Variants in CSMD1 observed in about 807,000 individuals in gnomAD.
CSMD1 encodes the protein CUB and sushi domain-containing protein 1.
A neutral mutation model predicts 417.5 loss-of-function variants in CSMD1; 213 were observed. That is an observed-to-expected ratio of 0.51 (90% CI 0.46 to 0.57). The LOEUF is 0.57. Among genes scored for constraint, CSMD1 ranks in the 20% least tolerant of loss-of-function variants. The pLI, the probability that CSMD1 is intolerant of heterozygous loss-of-function variation, is 0.00. For missense variants in CSMD1, 6,923 were observed against 4,529.7 expected (o/e 1.53, Z -15.17); for synonymous variants, 2,862 against 1,736.8 (o/e 1.65, Z -16.11).
intron 2 of CSMD1, among the ~76,000 whole-genome samples, chr8:4,569,187 C>T (rs528082378): frequency 6.6e-6 from 1 of 152,120 alleles, no homozygotes; most frequent in African/African-American, 2.4e-5. Context: ...GTTGCCATTT[C>T]TTTTGGTGTT....
intron 1 of CSMD1, among the ~76,000 whole-genome samples, chr8:4,944,618 T>C (rs1465625165): frequency 9.2e-5 from 14 of 152,190 alleles, no homozygotes; most frequent in Admixed American, 9.2e-4. Flanking sequence ...CAAAAATGTA[T>C]GCGGACTGGC....
At chr8:4,486,098 T>C (rs1288150101) in intron 2 of CSMD1, among the ~76,000 whole-genome samples, 3 of 147,456 alleles carry the variant, frequency 2.0e-5, no homozygotes. Context: ...TCATCATACA[T>C]ATATATGTAT....
chr8:3,078,537 T>C (rs754156936), intron 49 of CSMD1, among the ~76,000 whole-genome samples: 5 of 152,194 alleles, frequency 3.3e-5, no homozygotes, highest in African/African-American at 7.2e-5. Flanking sequence ...ATTAATTTGA[T>C]CCTGGGTTGG....
chr8:4,909,572 G>C (rs946761364), intron 1 of CSMD1, among the ~76,000 whole-genome samples: 1 of 152,110 alleles, frequency 6.6e-6, no homozygotes, highest in African/African-American at 2.4e-5. Context: ...TGACCTGCCA[G>C]AGGTAAGAAG....
At chr8:3,044,577 A>G (rs972828527) in intron 50 of CSMD1, among the ~76,000 whole-genome samples, 8 of 152,212 alleles carry the variant, frequency 5.3e-5, no homozygotes, top group Non-Finnish European at 7.4e-5. Context: ...TCATCATGTC[A>G]TTAGCATGAA....
intron 5 of CSMD1, among the ~76,000 whole-genome samples, chr8:3,810,435 C>G (rs184603110): frequency 1.3e-5 from 2 of 152,054 alleles, no homozygotes; most frequent in African/African-American, 4.8e-5. Flanking sequence ...AAGAAGGGAT[C>G]GAAGGGAGCA....
chr8:4,098,054 T>A (rs1439571692), intron 3 of CSMD1, among the ~76,000 whole-genome samples: 1 of 152,206 alleles, frequency 6.6e-6, no homozygotes, highest in Non-Finnish European at 1.5e-5. Context: ...GCACAGAGAA[T>A]GCTCACTTAA....
At chr8:4,152,242 T>C (rs896377498) in intron 3 of CSMD1, among the ~76,000 whole-genome samples, 1 of 152,182 alleles carries the variant, frequency 6.6e-6, no homozygotes, top group Non-Finnish European at 1.5e-5. Flanking sequence ...TCCCACTTTC[T>C]CAAGAGAATG....
intron 18 of CSMD1, among the ~76,000 whole-genome samples, chr8:3,372,625 T>A (rs1164088907): frequency 6.6e-6 from 1 of 152,104 alleles, no homozygotes; most frequent in Non-Finnish European, 1.5e-5. Flanking sequence ...GATTGTGAGT[T>A]CATAACCTGA....
intron 2 of CSMD1, among the ~76,000 whole-genome samples, chr8:4,466,750 A>G (rs943667525): frequency 3.3e-5 from 5 of 152,306 alleles, no homozygotes; most frequent in South Asian, 2.1e-4. Flanking sequence ...CAATAATACT[A>G]TATTTATCAA....
chr8:3,267,091 G>C (rs1419608185), intron 26 of CSMD1, among the ~76,000 whole-genome samples: 1 of 151,022 alleles, frequency 6.6e-6, no homozygotes, highest in Admixed American at 6.6e-5. Context: ...AGAGAGGGAA[G>C]GGTGAAAATC....
intron 2 of CSMD1, among the ~76,000 whole-genome samples, chr8:4,458,814 A>G (rs1799639923): frequency 6.6e-6 from 1 of 152,226 alleles, no homozygotes; most frequent in African/African-American, 2.4e-5. Flanking sequence ...ACAACTTTTC[A>G]ATTAGATCCA....
chr8:3,842,173 G>A (rs1430347913), intron 5 of CSMD1, among the ~76,000 whole-genome samples: 4 of 152,186 alleles, frequency 2.6e-5, no homozygotes, highest in East Asian at 3.9e-4. Flanking sequence ...TTAAAAACTC[G>A]TTTTCCTAGC....
chr8:4,245,213 G>C (rs1035525749), intron 3 of CSMD1, among the ~76,000 whole-genome samples: 1 of 152,142 alleles, frequency 6.6e-6, no homozygotes, highest in African/African-American at 2.4e-5. Context: ...CTTACCACTG[G>C]TTTTCTGAAC....
intron 1 of CSMD1, among the ~76,000 whole-genome samples, chr8:4,776,090 A>G (rs1796840071): frequency 6.6e-6 from 1 of 152,088 alleles, no homozygotes; most frequent in South Asian, 2.1e-4. Context: ...AGATTTGAAG[A>G]AGCAGGCACC....
intron 49 of CSMD1, among the ~76,000 whole-genome samples, chr8:3,077,541 C>A (rs1408574728): frequency 6.6e-6 from 1 of 152,218 alleles, no homozygotes; most frequent in East Asian, 1.9e-4. Flanking sequence ...GCAGGTCCAG[C>A]CACCTCCAGA....
intron 3 of CSMD1, among the ~76,000 whole-genome samples, chr8:4,403,119 C>CTG (rs527273471): frequency 5.2e-4 from 79 of 152,174 alleles, no homozygotes; most frequent in African/African-American, 1.8e-3. Flanking sequence ...GCGTGAGCCA[C>CTG]TGCCCCCGGC....
intron 26 of CSMD1, among the ~76,000 whole-genome samples, chr8:3,257,803 C>T (rs563464840): frequency 2.1e-4 from 32 of 151,880 alleles, no homozygotes; most frequent in Middle Eastern, 3.4e-3. Context: ...TGAGGGCGAT[C>T]GGTGGGTGGG....
At chr8:3,970,555 G>A (rs2627453) in intron 5 of CSMD1, among the ~76,000 whole-genome samples, 18,817 of 152,094 alleles carry the variant, frequency 0.12, 1,209 homozygotes, top group Middle Eastern at 0.15. Flanking sequence ...AGATCTTAGT[G>A]ATTTGCAACG....
Sources: allele counts gnomAD v4.1 joint callset (sites outside exome capture counted in the v4.1 genomes callset), GRCh38; gene constraint gnomAD v4.1.1; transcripts MANE v1.5; gene names NCBI Gene and HGNC (gene_info 2026-07-23, HGNC 2026-07-21).